The following KAZN variants were observed in gnomAD, a reference collection of about 807,000 sequenced individuals.
The protein encoded by KAZN is kazrin, periplakin interacting protein.
KAZN carries 40 observed loss-of-function variants against 87.4 expected under a neutral mutation model. The ratio of observed to expected loss-of-function variants is 0.46; its 90% confidence interval spans 0.36 to 0.60. The LOEUF is 0.60. Among genes scored for constraint, KAZN ranks in the 20% least tolerant of loss-of-function variants. KAZN has a pLI of 0.00. For synonymous variants in KAZN, 466 were observed against 458.3 expected, an observed-to-expected ratio of 1.02 and a Z score of -0.22; for missense variants, 898 against 1,073.9, an observed-to-expected ratio of 0.84 and a Z score of 2.29.
At chr1:15,072,825 G>A (rs182041524) in intron 8 of KAZN, among the ~76,000 whole-genome samples, 2 of 151,584 alleles carry the variant, frequency 1.3e-5, no homozygotes, top group East Asian at 3.9e-4. Context: ...TCACCCACTG[G>A]CCCCAAGCCC....
intron 1 of KAZN, among the ~76,000 whole-genome samples, chr1:14,784,516 T>C (rs529888272): frequency 3.3e-5 from 5 of 152,244 alleles, no homozygotes; most frequent in African/African-American, 1.2e-4. Context: ...CCCAGCACTT[T>C]GGGAGGCTGA....
At chr1:14,153,769 ACT>A (rs1645528776) in intron 1 of KAZN, among the ~76,000 whole-genome samples, 1 of 104,152 alleles carries the variant, frequency 9.6e-6, no homozygotes, top group South Asian at 3.8e-4. Context: ...TAAGAGCAAA[ACT>A]CTGTCTCAAA....
intron 1 of KAZN, among the ~76,000 whole-genome samples, chr1:14,954,880 A>G (rs1662900354): frequency 6.6e-6 from 1 of 150,708 alleles, no homozygotes; most frequent in Admixed American, 6.6e-5. Flanking sequence ...AGGACCCAGG[A>G]GGCAGAGCTT....
intron 2 of KAZN, among the ~76,000 whole-genome samples, chr1:14,575,380 A>G (rs1245929624): frequency 2.0e-5 from 3 of 152,206 alleles, no homozygotes; most frequent in African/African-American, 7.2e-5. Flanking sequence ...GTGGCAGACA[A>G]GAGAGAATGA....
chr1:14,598,943 C>G lies in KAZN; in HGVS notation c.-55C>G, dbSNP rs893958680. On this transcript the variant is annotated 5_prime_UTR_variant, in exon 1 of 15. Coordinates refer to ENST00000376030, the MANE Select transcript of KAZN (RefSeq NM_201628.3). This position sits in a 1 kb window ranked among gnomAD's most constrained non-coding sequence, Gnocchi z 4.2. ...CGGGGGTGCCCGGCCGCGCGCCCCC[C>G]GCGCATCATGCAGCTCTTTGTCACC... 3.9e-6 allele frequency: 6 copies of G among 1,556,740 alleles called. No individual in the cohort carries two copies. In the African/African-American group the frequency reaches 4.3e-5, roughly 11 times the overall value.
intron 2 of KAZN, among the ~76,000 whole-genome samples, chr1:14,227,772 C>A (rs1197342187): frequency 6.6e-6 from 1 of 152,142 alleles, no homozygotes; most frequent in Non-Finnish European, 1.5e-5. Flanking sequence ...AACAAAACAG[C>A]GGTCTTTCTA....
intron 2 of KAZN, among the ~76,000 whole-genome samples, chr1:14,387,849 G>C (rs1165193402): frequency 1.3e-5 from 2 of 152,144 alleles, no homozygotes; most frequent in African/African-American, 2.4e-5. Flanking sequence ...CACCCAGTTC[G>C]AGCTTCCCGG....
At chr1:14,739,476 C>T (rs1644018454) in intron 1 of KAZN, among the ~76,000 whole-genome samples, 1 of 152,036 alleles carries the variant, frequency 6.6e-6, no homozygotes, top group Non-Finnish European at 1.5e-5. Flanking sequence ...TAACTTCGCA[C>T]CTCCTAAAAG....
chr1:14,771,496 T>C (rs1485419179), intron 1 of KAZN, among the ~76,000 whole-genome samples: 1 of 152,156 alleles, frequency 6.6e-6, no homozygotes, highest in Non-Finnish European at 1.5e-5. Flanking sequence ...TTGGCATTTT[T>C]CTCAATGAGG....
chr1:14,618,506 A>G lies in KAZN; in HGVS notation c.226+19283A>G, dbSNP rs985877099. On this transcript the variant is annotated intron_variant, in intron 1 of 14. Coordinates refer to ENST00000376030, the MANE Select transcript of KAZN (RefSeq NM_201628.3). The stretch of plus-strand genomic sequence containing the variant: ...ATGGCAATGATGAAGATAATAAGTG[A>G]CACTAATATGATGGAGTACCTAGAA... 3.9e-5 allele frequency among the ~76,000 whole-genome samples: 6 copies of G among 152,364 alleles called. No individual in the cohort carries two copies. The South Asian group carries it at 8.3e-4, about 21-fold the overall frequency.
At chr1:14,136,995 T>C (rs776819406) in intron 1 of KAZN, among the ~76,000 whole-genome samples, 2 of 152,208 alleles carry the variant, frequency 1.3e-5, no homozygotes, top group Non-Finnish European at 2.9e-5. Context: ...CCACTGCTTT[T>C]AGGGTTATGA....
chr1:13,896,835 AG>A (rs1196676381), intron 1 of KAZN, among the ~76,000 whole-genome samples: 1 of 152,224 alleles, frequency 6.6e-6, no homozygotes, highest in African/African-American at 2.4e-5. Context: ...GGATGCTTAA[AG>A]AGGTGGGAAT....
intron 2 of KAZN, among the ~76,000 whole-genome samples, chr1:14,302,786 C>G (rs10927407): frequency 3.0e-4 from 46 of 152,144 alleles, no homozygotes; most frequent in African/African-American, 1.1e-3. Context: ...CTATAGAAAC[C>G]AAAGGTAAAA....
At chr1:14,458,775 C>T (rs1489087817) in intron 2 of KAZN, among the ~76,000 whole-genome samples, 1 of 152,118 alleles carries the variant, frequency 6.6e-6, no homozygotes, top group Non-Finnish European at 1.5e-5. Context: ...TCAGAGACTC[C>T]GTGCCCATGA....
intron 2 of KAZN, among the ~76,000 whole-genome samples, chr1:14,437,724 A>G (rs1362579905): frequency 1.3e-5 from 2 of 152,156 alleles, no homozygotes; most frequent in African/African-American, 4.8e-5. Flanking sequence ...GAGGCTCTGC[A>G]TGCTGAGAGC....
chr1:14,843,201 G>A (rs1197170198), intron 1 of KAZN, among the ~76,000 whole-genome samples: 1 of 152,188 alleles, frequency 6.6e-6, no homozygotes, highest in African/African-American at 2.4e-5. Context: ...GATTCCTACT[G>A]TGTGCTTAGT....
intron 2 of KAZN, among the ~76,000 whole-genome samples, chr1:14,506,156 TAC>T (rs912389749): frequency 9.2e-5 from 14 of 152,184 alleles, no homozygotes; most frequent in African/African-American, 3.4e-4. Flanking sequence ...AGAAAGATGA[TAC>T]CACTTGGGCA....
intron 4 of KAZN, among the ~76,000 whole-genome samples, chr1:15,051,500 C>T (rs1347043677): frequency 2.6e-5 from 4 of 152,244 alleles, no homozygotes; most frequent in African/African-American, 9.6e-5. Flanking sequence ...TGAATTACTC[C>T]TCACATCATC....
intron 1 of KAZN, among the ~76,000 whole-genome samples, chr1:14,122,732 A>C (rs1644778647): frequency 6.6e-6 from 1 of 152,200 alleles, no homozygotes; most frequent in African/African-American, 2.4e-5. Flanking sequence ...ATTGAAACAG[A>C]TTGTTCTTCT....
Sources: gnomAD v4.1 joint callset for allele counts (sites outside exome capture counted in the v4.1 genomes callset) on GRCh38, gnomAD v4.1.1 for gene constraint, Gnocchi (gnomAD v3.1) non-coding constraint, MANE v1.5 for transcripts, NCBI Gene and HGNC (gene_info 2026-07-23, HGNC 2026-07-21) for gene names.